The following SHANK2 variants were observed in gnomAD, a reference collection of about 807,000 sequenced individuals.
SHANK2 encodes SH3 and multiple ankyrin repeat domains 2, also known as SH3 and multiple ankyrin repeat domains protein 2.
A neutral mutation model predicts 133.7 loss-of-function variants in SHANK2; 43 were observed. The observed-to-expected ratio is 0.32, with a 90% CI of 0.25 to 0.41. The LOEUF (loss-of-function observed/expected upper bound fraction) is 0.41, where lower values mean the gene tolerates loss of function less well. Among genes scored for constraint, SHANK2 ranks in the 10% least tolerant of loss-of-function variants. The probability of loss-of-function intolerance (pLI) is 1.00; values close to 1 mark genes in which losing one functional copy is unlikely to be tolerated. For synonymous variants in SHANK2, 1,017 were observed against 952.8 expected, an observed-to-expected ratio of 1.07 and a Z score of -1.24; for missense variants, 1,994 against 2,235.8, an observed-to-expected ratio of 0.89 and a Z score of 2.18.
At chr11:71,097,544 G>A (rs1374047563) in intron 6 of SHANK2, among the ~76,000 whole-genome samples, 2 of 152,220 alleles carry the variant, frequency 1.3e-5, no homozygotes, top group Admixed American at 1.3e-4. Flanking sequence ...AACAACGGGT[G>A]GGAGTAGAAA....
At chr11:70,506,706 T>G (rs1554968471) in intron 17 of SHANK2, among the ~76,000 whole-genome samples, 1 of 152,112 alleles carries the variant, frequency 6.6e-6, no homozygotes, top group South Asian at 2.1e-4. Flanking sequence ...AGGGATGGTA[T>G]CCGGTGAGCC....
chr11:71,100,790 C>T (rs1217461825), intron 6 of SHANK2, among the ~76,000 whole-genome samples: 1 of 151,738 alleles, frequency 6.6e-6, no homozygotes, highest in Admixed American at 6.6e-5. Context: ...TTGCTTGAAC[C>T]CGGGAGTCAG....
Position 70,804,380 on chromosome 11 carries a change from G to A in SHANK2, c.1663+2622C>T, listed in dbSNP as rs1413154115. Among the ~76,000 whole-genome samples the A allele has an allele frequency of 7.9e-5, 12 of 152,246 alleles. No homozygotes were observed. Among genetic ancestry groups the A allele is most frequent in the East Asian group, 1.9e-4 (1 of 5,192 alleles). On this transcript the variant is annotated intron_variant, in intron 13 of 25. Transcript: ENST00000601538. The surrounding 1 kb of genome is among the most constrained non-coding windows in gnomAD (Gnocchi z 4.1). ...GCCACTGGCAGCAGGAAGGGGCTCC[G>A]TGCCAATTGTGTGCAAATGGCCTGC...
At chr11:70,810,007 G>A (rs781801847) in intron 12 of SHANK2, among the ~76,000 whole-genome samples, 4 of 152,232 alleles carry the variant, frequency 2.6e-5, no homozygotes, top group Non-Finnish European at 5.9e-5. Context: ...TGGCACAGCA[G>A]TGCATCGATG....
chr11:71,247,063 T>C (rs782317590), intron 1 of SHANK2, among the ~76,000 whole-genome samples: 2 of 152,184 alleles, frequency 1.3e-5, no homozygotes, highest in African/African-American at 2.4e-5. Context: ...TATGCTAGGT[T>C]GATTAATAAA....
chr11:71,167,756 T>A (rs7926260), intron 2 of SHANK2, among the ~76,000 whole-genome samples: 3 of 73,866 alleles, frequency 4.1e-5, no homozygotes, highest in Middle Eastern at 0.017. Flanking sequence ...GGCAGAGGCG[T>A]CCCTCACCTC....
At chr11:70,806,146 C>A (rs1315373181) in intron 13 of SHANK2, among the ~76,000 whole-genome samples, 1 of 152,238 alleles carries the variant, frequency 6.6e-6, no homozygotes, top group East Asian at 1.9e-4. Context: ...CCTCTAAGGG[C>A]CGCACCTTCC....
At chr11:70,943,206 G>GGTC (rs1950672327) in intron 10 of SHANK2, 5 of 408,348 alleles carry the variant, frequency 1.2e-5, no homozygotes, top group Non-Finnish European at 2.4e-5. Context: ...TGTTCAAAGG[G>GGTC]GTCTGTCTGT....
intron 17 of SHANK2, among the ~76,000 whole-genome samples, chr11:70,625,058 G>A (rs993489907): frequency 9.9e-5 from 15 of 152,162 alleles, no homozygotes; most frequent in Admixed American, 2.0e-4. Context: ...GGAAAGACTC[G>A]TAGAACTCAC....
At chr11:71,167,905 G>A (rs1347555376) in intron 2 of SHANK2, among the ~76,000 whole-genome samples, 4 of 141,870 alleles carry the variant, frequency 2.8e-5, no homozygotes, top group African/African-American at 5.4e-5. Context: ...CGGACAGGGC[G>A]GCTGTCCGGG....
intron 10 of SHANK2, among the ~76,000 whole-genome samples, chr11:70,911,857 G>A (rs1284315671): frequency 2.0e-5 from 3 of 152,018 alleles, no homozygotes; most frequent in African/African-American, 7.2e-5. Context: ...AGAGGTGGGA[G>A]GATCACCTGA....
intron 17 of SHANK2, among the ~76,000 whole-genome samples, chr11:70,578,393 C>T (rs945964674): frequency 1.3e-5 from 2 of 152,200 alleles, no homozygotes; most frequent in African/African-American, 4.8e-5. Flanking sequence ...CCCTGCTCAC[C>T]TGAGGATGGT....
intron 17 of SHANK2, among the ~76,000 whole-genome samples, chr11:70,520,395 T>G (rs1448798992): frequency 1.3e-5 from 2 of 152,210 alleles, no homozygotes; most frequent in Non-Finnish European, 2.9e-5. Flanking sequence ...TGGCTGCTGG[T>G]CAGGTCTTTT....
chr11:70,560,039 T>G (rs2059887232), intron 17 of SHANK2, among the ~76,000 whole-genome samples: 1 of 152,060 alleles, frequency 6.6e-6, no homozygotes, highest in Admixed American at 6.5e-5. Context: ...GCCAAGCTAA[T>G]TTTTGGATTT....
rs1591508675 is a variant in SHANK2 at position 70,500,616 on chromosome 11, T to C, written c.2288-26A>G. ...CTTGCAAACAGAAAGGGGACCGCCA[T>C]GAGCCACCAGGATGCAGCGCCCGCC... is the stretch of plus-strand genomic sequence containing the variant. On this transcript the variant is annotated intron_variant, in intron 20 of 25. Coordinates refer to ENST00000601538, the MANE Select transcript of SHANK2 (RefSeq NM_012309.5). The surrounding 1 kb of genome is among the most constrained non-coding windows in gnomAD (Gnocchi z 4.5). 6.3e-7 allele frequency: 1 copy of C among 1,598,012 alleles called. No homozygotes were observed. The highest frequency in any genetic ancestry group is 1.3e-5 in the African/African-American group (1 of 74,624).
rs2058710683 is a variant in SHANK2 at position 70,479,868 on chromosome 11, TG to T, written c.4979+5445del. ...CTCCTGGGTCATAGCAAGTTTGTTTTGGGTCAAAGCATATAAGTCAGGCAAG... is the reference window on the plus strand; with the variant it reads ...CTCCTGGGTCATAGCAAGTTTGTTTTGGTCAAAGCATATAAGTCAGGCAAG... On this transcript the variant is annotated intron_variant, in intron 25 of 25. Coordinates refer to ENST00000601538, the MANE Select transcript of SHANK2 (RefSeq NM_012309.5). This position sits in a 1 kb window ranked among gnomAD's most constrained non-coding sequence, Gnocchi z 4.4. Among the ~76,000 whole-genome samples the T allele has an allele frequency of 6.6e-6, 1 of 152,120 alleles. No homozygotes were observed. Among genetic ancestry groups the T allele is most frequent in the African/African-American group, 2.4e-5 (1 of 41,462 alleles).
chr11:71,201,005 G>C (rs1371470641), intron 2 of SHANK2, among the ~76,000 whole-genome samples: 1 of 152,132 alleles, frequency 6.6e-6, no homozygotes, highest in Non-Finnish European at 1.5e-5. Context: ...CGGGCCCCGA[G>C]GATGCATCAG....
intron 14 of SHANK2, among the ~76,000 whole-genome samples, chr11:70,750,266 A>C (rs535455358): frequency 1.6e-4 from 24 of 152,328 alleles, no homozygotes; most frequent in African/African-American, 5.3e-4. Flanking sequence ...GAGCTTCAAG[A>C]AAAGGGAGCC....
chr11:70,487,530 C>A lies in SHANK2; in HGVS notation c.2763G>T (p.Lys921Asn), dbSNP rs782046236. Reference sequence around the variant, plus strand: ...CGGCAGAATTCTGATTGAACGCAGGCTTAATCGTCCCGTAGACTCTTGGAG... The same window carrying A: ...CGGCAGAATTCTGATTGAACGCAGGATTAATCGTCCCGTAGACTCTTGGAG... ...SPTPRVYGTI[K>N]PAFNQNSAAK... Residue 921 changes from lysine to asparagine, a missense_variant, in exon 25 of 26, where the codon AAG becomes AAT. Physicochemically the swap from Lys to Asn is moderately conservative, Grantham distance 94. This residue lies in a region of SHANK2 where 488 missense variants were observed against 642.6 expected (regional missense o/e 0.76). Transcript: ENST00000601538. The surrounding 1 kb of genome is among the most constrained non-coding windows in gnomAD (Gnocchi z 5.8). 1 of 1,613,536 alleles carries A rather than the reference C, an allele frequency of 6.2e-7. No individual in the cohort carries two copies. Among genetic ancestry groups the A allele is most frequent in the East Asian group, 2.2e-5 (1 of 44,820 alleles).
Sources: allele counts gnomAD v4.1 joint callset (sites outside exome capture counted in the v4.1 genomes callset), GRCh38; gene constraint gnomAD v4.1.1; regional missense constraint gnomAD v4.1.1; non-coding constraint Gnocchi (gnomAD v3.1); transcripts MANE v1.5; gene names NCBI Gene and HGNC (gene_info 2026-07-23, HGNC 2026-07-21).